The following USP6NL variants were observed in gnomAD, a reference collection of about 807,000 sequenced individuals.
USP6NL encodes the protein USP6 N-terminal like.
In USP6NL, 26 loss-of-function variants were observed where a neutral mutation model predicts 61.9. The ratio of observed to expected loss-of-function variants is 0.42; its 90% CI spans 0.31 to 0.58. USP6NL has a LOEUF of 0.58. Ranked by LOEUF, USP6NL falls within the 20% of genes least tolerant of loss-of-function variation. USP6NL has a pLI of 0.16. For missense variants in USP6NL, 1,114 were observed against 1,034.3 expected (o/e 1.08, Z -1.06); for synonymous variants, 432 against 390.1 (o/e 1.11, Z -1.27).
In USP6NL at chr10:11,592,786, T is replaced by TACTA; in HGVS notation, c.4+4844_4+4845insTAGT. ...TTACTTGGAGCACAACTTTTTTACT[T>TACTA]AGTAAGACTCTGAAGAATCCTTCTA... On this transcript the variant is annotated intron_variant, in intron 2 of 14. Coordinates refer to ENST00000609104, the MANE Select transcript of USP6NL (RefSeq NM_014688.5). The surrounding 1 kb of genome is among the most constrained non-coding windows in gnomAD (Gnocchi z 4.7). Among the ~76,000 whole-genome samples, 1 of 152,358 alleles carries TACTA rather than the reference T, an allele frequency of 6.6e-6. No homozygotes were observed. The highest frequency in any genetic ancestry group is 1.9e-4 in the East Asian group (1 of 5,190).
chr10:11,504,912 G>A (rs1051287618), intron 6 of USP6NL, among the ~76,000 whole-genome samples: 2 of 152,312 alleles, frequency 1.3e-5, no homozygotes, highest in African/African-American at 4.8e-5. Context: ...GAAGGATGGT[G>A]GGCACCACAC....
At chr10:11,541,673 G>C (rs1836074337) in intron 2 of USP6NL, among the ~76,000 whole-genome samples, 1 of 152,138 alleles carries the variant, frequency 6.6e-6, no homozygotes, top group Admixed American at 6.5e-5. Context: ...CTGTGAGACA[G>C]AGCAACCTCC....
At chr10:11,547,684 GCA>G (rs1836324979) in intron 2 of USP6NL, among the ~76,000 whole-genome samples, 1 of 152,096 alleles carries the variant, frequency 6.6e-6, no homozygotes, top group Non-Finnish European at 1.5e-5. Flanking sequence ...GGGACTACAG[GCA>G]TCCGCCATCA....
At position 11,465,362 on chromosome 10, in the gene USP6NL, G is replaced by C. The variant is rs538620932; in HGVS notation, c.1079-1513C>G. On this transcript the variant is annotated intron_variant, in intron 14 of 14. Transcript: ENST00000609104. The surrounding 1 kb of genome is among the most constrained non-coding windows in gnomAD (Gnocchi z 4.5). Reference sequence around the variant, plus strand: ...AAGAAAAGGAAAACTGTGACGCCCAGAGTGGTGAATGCATGCCTGAAGATG... The same window carrying C: ...AAGAAAAGGAAAACTGTGACGCCCACAGTGGTGAATGCATGCCTGAAGATG... Among the ~76,000 whole-genome samples, 6 of 152,284 alleles carry C rather than the reference G, an allele frequency of 3.9e-5. No homozygotes were observed. The highest frequency in any genetic ancestry group is 9.6e-5 in the African/African-American group (4 of 41,554).
chr10:11,541,356 T>C (rs1310855044), intron 2 of USP6NL, among the ~76,000 whole-genome samples: 1 of 149,402 alleles, frequency 6.7e-6, no homozygotes, highest in Non-Finnish European at 1.5e-5. Context: ...GCATTTATTC[T>C]GTACAATCCA....
At position 11,518,178 on chromosome 10, in the gene USP6NL, A is replaced by G. The variant is rs1414587246; in HGVS notation, c.195+357T>C. On this transcript the variant is annotated intron_variant, in intron 5 of 14. Transcript: ENST00000609104. The surrounding 1 kb of genome is among the most constrained non-coding windows in gnomAD (Gnocchi z 5.3). ...TGGTGCTTTATTTGCCACAGGGTAC[A>G]TGAGAATCACTTGTGAAGCCTTTAA... 3.3e-5 allele frequency among the ~76,000 whole-genome samples: 5 copies of G among 152,202 alleles called. No homozygotes were observed. Among genetic ancestry groups the G allele is most frequent in the Non-Finnish European group, 5.9e-5 (4 of 68,034 alleles).
intron 5 of USP6NL, 64 bp from the exon 6 acceptor site, chr10:11,509,739 CT>C: frequency 1.5e-6 from 2 of 1,353,036 alleles, no homozygotes; most frequent in East Asian, 5.0e-5. Flanking sequence ...TTATAAAAAA[CT>C]TCAAAGAAAA....
Position 11,606,449 on chromosome 10 carries a change from T to C in USP6NL, c.-84+4994A>G, listed in dbSNP as rs180747083. On this transcript the variant is annotated intron_variant, in intron 1 of 14. Coordinates refer to ENST00000609104, the MANE Select transcript of USP6NL (RefSeq NM_014688.5). ...AATGCAGTTAAGTCTAATTAAATAA[T>C]AACAGCATAAAACAACAGAAATACA... Among the ~76,000 whole-genome samples the C allele has an allele frequency of 3.3e-5, 5 of 152,228 alleles. No homozygotes were observed. The East Asian group carries it at 5.8e-4, about 18-fold the overall frequency.
At chr10:11,529,463 T>C (rs1015897524) in intron 2 of USP6NL, among the ~76,000 whole-genome samples, 2 of 152,226 alleles carry the variant, frequency 1.3e-5, no homozygotes, top group African/African-American at 4.8e-5. Flanking sequence ...CGCAAGGTTG[T>C]TTATAATAGT....
Position 11,571,301 on chromosome 10 carries a change from G to A in USP6NL, c.4+26330C>T, listed in dbSNP as rs891862602. 4.6e-5 allele frequency among the ~76,000 whole-genome samples: 7 copies of A among 151,944 alleles called. No homozygotes were observed. The South Asian group carries it at 6.2e-4, about 14-fold the overall frequency. ...TGGTTTCTCCATGTTCGTCAGGCTG[G>A]TCTCGAAATCCCGACCTCAGGTGAT... On this transcript the variant is annotated intron_variant, in intron 2 of 14. Coordinates refer to ENST00000609104, the MANE Select transcript of USP6NL (RefSeq NM_014688.5).
Position 11,487,868 on chromosome 10 carries a change from T to C in USP6NL, c.664+1234A>G, listed in dbSNP as rs1331654097. On this transcript the variant is annotated intron_variant, in intron 10 of 14. Transcript: ENST00000609104. The surrounding 1 kb of genome is among the most constrained non-coding windows in gnomAD (Gnocchi z 4.2). ...TCAGAGTGTGAGACTTCACAAACAA[T>C]GGGCTATAGAAAGTCATAATTTTGA... 2.6e-5 allele frequency among the ~76,000 whole-genome samples: 4 copies of C among 152,160 alleles called. No homozygotes were observed. Among genetic ancestry groups the C allele is most frequent in the African/African-American group, 7.2e-5 (3 of 41,436 alleles).
At position 11,602,704 on chromosome 10, in the gene USP6NL, C is replaced by G. The variant is rs191352549; in HGVS notation, c.-83-4987G>C. 3.2e-3 allele frequency among the ~76,000 whole-genome samples: 490 copies of G among 152,252 alleles called. 2 individuals carry two copies. The highest frequency in any genetic ancestry group is 0.011 in the African/African-American group (449 of 41,530). On this transcript the variant is annotated intron_variant, in intron 1 of 14. Coordinates refer to ENST00000609104, the MANE Select transcript of USP6NL (RefSeq NM_014688.5). The surrounding 1 kb of genome is among the most constrained non-coding windows in gnomAD (Gnocchi z 4.8). ...GCACTGACGTGACACTCAAAGGAAACGCTCATTAGGGCACTTTGGATTTCA... is the reference window on the plus strand; with the variant it reads ...GCACTGACGTGACACTCAAAGGAAAGGCTCATTAGGGCACTTTGGATTTCA...
chr10:11,554,557 A>G (rs1591921465), intron 2 of USP6NL, among the ~76,000 whole-genome samples: 1 of 152,234 alleles, frequency 6.6e-6, no homozygotes, highest in South Asian at 2.1e-4. Flanking sequence ...GGATCAATGG[A>G]GAACCAGAAA....
At chr10:11,593,990 T>C (rs1053345560) in intron 2 of USP6NL, among the ~76,000 whole-genome samples, 3 of 152,180 alleles carry the variant, frequency 2.0e-5, no homozygotes, top group Non-Finnish European at 4.4e-5. Flanking sequence ...AGAAAAATAT[T>C]GGGGGGGAAA....
intron 2 of USP6NL, among the ~76,000 whole-genome samples, chr10:11,586,950 C>G (rs538962974): frequency 1.7e-4 from 26 of 152,284 alleles, no homozygotes; most frequent in African/African-American, 5.3e-4. Flanking sequence ...TAGGTCTCAG[C>G]TGGAAGGTTT....
chr10:11,516,955 CA>C (rs1834983563), intron 5 of USP6NL, among the ~76,000 whole-genome samples: 1 of 152,162 alleles, frequency 6.6e-6, no homozygotes, highest in African/African-American at 2.4e-5. Flanking sequence ...TTTATTGAAT[CA>C]TTTAAATCAC....
intron 2 of USP6NL, among the ~76,000 whole-genome samples, chr10:11,590,962 T>C (rs1470127053): frequency 1.3e-5 from 2 of 152,156 alleles, no homozygotes; most frequent in African/African-American, 4.8e-5. Flanking sequence ...TGTACTCCTA[T>C]AAGACAAAAT....
intron 14 of USP6NL, among the ~76,000 whole-genome samples, chr10:11,480,501 A>G (rs1176089399): frequency 6.6e-6 from 1 of 152,230 alleles, no homozygotes; most frequent in Non-Finnish European, 1.5e-5. Flanking sequence ...AAGTCATTAC[A>G]CTGAACAGGA....
rs541430924 is a variant in USP6NL at position 11,485,456 on chromosome 10, T to TA, written c.760-223_760-222insT. On this transcript the variant is annotated intron_variant, in intron 11 of 14. Coordinates refer to ENST00000609104, the MANE Select transcript of USP6NL (RefSeq NM_014688.5). The surrounding 1 kb of genome is among the most constrained non-coding windows in gnomAD (Gnocchi z 4.8). ...TCTTTGTTTTACTAAACTACTGTGT[T>TA]TTATAGTAAGGCATATATATAGTTC... 3.3e-4 allele frequency among the ~76,000 whole-genome samples: 50 copies of TA among 152,326 alleles called. No homozygotes were observed. Among genetic ancestry groups the TA allele is most frequent in the African/African-American group, 7.5e-4 (31 of 41,580 alleles).
Sources: gnomAD v4.1 joint callset for allele counts (sites outside exome capture counted in the v4.1 genomes callset) on GRCh38, gnomAD v4.1.1 for gene constraint, Gnocchi (gnomAD v3.1) non-coding constraint, MANE v1.5 for transcripts, NCBI Gene and HGNC (gene_info 2026-07-23, HGNC 2026-07-21) for gene names.